The following FNTB variants were observed in gnomAD, a reference collection of about 807,000 sequenced individuals.
The protein encoded by FNTB is protein farnesyltransferase subunit beta.
FNTB carries 27 observed loss-of-function variants against 59.4 expected under a neutral mutation model. The ratio of observed to expected loss-of-function variants is 0.45; its 90% CI spans 0.34 to 0.63. The LOEUF is 0.63. FNTB is among the 20% of genes least tolerant of loss of function. The pLI is 0.02. For missense variants in FNTB, 449 were observed against 559.6 expected, an observed-to-expected ratio of 0.80 and a Z score of 1.99; for synonymous variants, 230 against 220.7, an observed-to-expected ratio of 1.04 and a Z score of -0.37.
At chr14:65,041,041 C>G in intron 8 of FNTB, 122 bp downstream of exon 8, 2 of 1,447,610 alleles carry the variant, frequency 1.4e-6, no homozygotes, top group Non-Finnish European at 1.9e-6. Context: ...AGCTCTGTTC[C>G]AACACAGAGG....
At chr14:65,046,842 G>A (rs1282061790) in intron 9 of FNTB, among the ~76,000 whole-genome samples, 15 of 103,476 alleles carry the variant, frequency 1.4e-4, no homozygotes, top group Non-Finnish European at 2.5e-4. Flanking sequence ...TGAAGTTACA[G>A]GTGATGTTTG....
In FNTB at chr14:65,021,020, G is replaced by A. The variant is rs531574122; in HGVS notation, c.374+5304G>A. Among the ~76,000 whole-genome samples, 306 of 152,268 alleles carry A rather than the reference G, an allele frequency of 2.0e-3. 1 individual carries two copies. Among genetic ancestry groups the A allele is most frequent in the Non-Finnish European group, 3.5e-3 (240 of 68,026 alleles). On this transcript the variant is annotated intron_variant, in intron 4 of 11. Coordinates refer to ENST00000246166, the MANE Select transcript of FNTB (RefSeq NM_002028.4). ...GTTGGGATTACAGATGTGAGCCACC[G>A]CACCCGGCCTAGCTTCCCTCTTTTA...
At chr14:65,037,744 A>ATTT (rs752876214) in intron 7 of FNTB, among the ~76,000 whole-genome samples, 2,305 of 58,954 alleles carry the variant, frequency 0.039, 48 homozygotes, top group South Asian at 0.053. Flanking sequence ...TTTATTTATT[A>ATTT]TTTATTTATT....
intron 1 of FNTB, among the ~76,000 whole-genome samples, chr14:65,000,117 A>T (rs1374103302): frequency 6.6e-6 from 1 of 152,196 alleles, no homozygotes; most frequent in African/African-American, 2.4e-5. Context: ...AGATGGGTTC[A>T]TGCATTAGCC....
chr14:65,010,082 T>C (rs909048632), intron 2 of FNTB, among the ~76,000 whole-genome samples: 3 of 152,220 alleles, frequency 2.0e-5, no homozygotes, highest in Non-Finnish European at 4.4e-5. Flanking sequence ...TGGAGGTCTC[T>C]AGCCCTTCTG....
intron 9 of FNTB, among the ~76,000 whole-genome samples, chr14:65,050,807 T>C (rs1451177454): frequency 6.6e-6 from 1 of 152,256 alleles, no homozygotes; most frequent in East Asian, 1.9e-4. Context: ...GCCTTAACAA[T>C]GTTTATTCCC....
At chr14:65,060,830 G>C (rs1174106927) in intron 11 of FNTB, among the ~76,000 whole-genome samples, 1 of 134,316 alleles carries the variant, frequency 7.4e-6, no homozygotes, top group East Asian at 2.2e-4. Flanking sequence ...CTAAGATCGT[G>C]TCAATGCACT....
chr14:65,033,495 GTCTTAGATACGTGTATGTTCTATA>G (rs2062126097), intron 7 of FNTB, among the ~76,000 whole-genome samples: 1 of 152,162 alleles, frequency 6.6e-6, no homozygotes, highest in Non-Finnish European at 1.5e-5. Context: ...TCTAAGCTAG[GTCTTAGATACGTGTATGTTCTATA>G]TTTTGTTTGC....
intron 4 of FNTB, among the ~76,000 whole-genome samples, chr14:65,026,723 G>A (rs1029260323): frequency 3.3e-5 from 5 of 152,180 alleles, no homozygotes; most frequent in Admixed American, 6.5e-5. Context: ...TTGGCTGGGC[G>A]TGATGGTGCA....
intron 3 of FNTB, among the ~76,000 whole-genome samples, chr14:65,013,780 T>C (rs552806634): frequency 3.9e-4 from 59 of 152,358 alleles, no homozygotes; most frequent in African/African-American, 1.4e-3. Context: ...GCTCCTGACC[T>C]CAAGTGATCC....
chr14:65,038,699 C>T (rs939983884), intron 7 of FNTB, among the ~76,000 whole-genome samples: 6 of 152,326 alleles, frequency 3.9e-5, no homozygotes, highest in African/African-American at 1.4e-4. Context: ...GCCTCGGCAT[C>T]AGAGCGAGAC....
Position 65,032,336 on chromosome 14 carries a change from G to A in FNTB, c.606-274G>A. ...ATCCACTTTTGACATGAATTGATAT[G>A]GCTGTTATTTCCTCTGATGTAGATT... On this transcript the variant is annotated intron_variant, in intron 6 of 11. Transcript: ENST00000246166. The surrounding 1 kb of genome is among the most constrained non-coding windows in gnomAD (Gnocchi z 5.0). 1 of 305,860 alleles carries A rather than the reference G, an allele frequency of 3.3e-6. No individual in the cohort carries two copies. The highest frequency in any genetic ancestry group is 6.0e-6 in the Non-Finnish European group (1 of 166,376). The allele number at this position is 305,860 out of a possible 1,614,324, so 18.9% of individuals were successfully genotyped here. A position where few individuals can be genotyped will look rare whatever the true frequency, so the allele number is the denominator to read the frequency against.
rs1219503164 is a variant in FNTB, at chr14:65,028,324, C to T, written c.605+543C>T. Among the ~76,000 whole-genome samples the T allele has an allele frequency of 2.6e-5, 4 of 152,174 alleles. No homozygotes were observed. The highest frequency in any genetic ancestry group is 9.7e-5 in the African/African-American group (4 of 41,434). On this transcript the variant is annotated intron_variant, in intron 6 of 11. Transcript: ENST00000246166. This position sits in a 1 kb window ranked among gnomAD's most constrained non-coding sequence, Gnocchi z 4.4. ...GTTAGCTCGAAATTATTATTTTCTT[C>T]CATAAGTGTCTGATGTACCAAGCAA...
rs1031621757 is a variant in FNTB, at chr14:65,061,404, A to G, written c.*92A>G. 1 of 1,545,680 alleles carries G rather than the reference A, an allele frequency of 6.5e-7. No homozygotes were observed. The highest frequency in any genetic ancestry group is 8.7e-7 in the Non-Finnish European group (1 of 1,144,874). On this transcript the variant is annotated 3_prime_UTR_variant, in exon 12 of 12. Coordinates refer to ENST00000246166, the MANE Select transcript of FNTB (RefSeq NM_002028.4). ...ATACATACTGCATTCTGTGCTACAC[A>G]AGCCTTAGCCTCAGTGGAGCTGTGG...
intron 9 of FNTB, among the ~76,000 whole-genome samples, chr14:65,052,141 A>G (rs1161897681): frequency 6.6e-6 from 1 of 152,172 alleles, no homozygotes; most frequent in African/African-American, 2.4e-5. Context: ...TTTTTAGCTC[A>G]GTTCTTTTTA....
chr14:65,039,152 C>T (rs1444866507), intron 7 of FNTB, among the ~76,000 whole-genome samples: 4 of 152,172 alleles, frequency 2.6e-5, no homozygotes, highest in Non-Finnish European at 4.4e-5. Context: ...CGAGAGTGGG[C>T]AGGATCAAGC....
Position 65,011,431 on chromosome 14 carries a change from GA to G in FNTB, c.210-865del, listed in dbSNP as rs767329195. Among the ~76,000 whole-genome samples, 2,201 of 80,064 alleles carry G rather than the reference GA, an allele frequency of 0.027. 53 individuals carry two copies. The highest frequency in any genetic ancestry group is 0.22 in the South Asian group (581 of 2,622). 52.5% of individuals were successfully genotyped at this position (80,064 alleles called of 152,430 possible). A position where few individuals can be genotyped will look rare whatever the true frequency, so the allele number is the denominator to read the frequency against. ...GTGACAGAGCGAGACTCCGTCTCAG[GA>G]AAAAAAAAAAAAAAAAAAAAGACTG... On this transcript the variant is annotated intron_variant, in intron 2 of 11. Transcript: ENST00000246166. This position sits in a 1 kb window ranked among gnomAD's most constrained non-coding sequence, Gnocchi z 4.0.
rs1220206079 is a variant in FNTB at position 65,012,184 on chromosome 14, G to A, written c.210-133G>A. On this transcript the variant is annotated intron_variant, in intron 2 of 11. Transcript: ENST00000246166. The surrounding 1 kb of genome is among the most constrained non-coding windows in gnomAD (Gnocchi z 5.0). ...GCTCTTTGGAACCAGAGAAGTTGCT[G>A]GTTATCCAGTCAGTGATTGCAGGGG... 7.5e-6 allele frequency: 8 copies of A among 1,065,990 alleles called. No individual in the cohort carries two copies. Among genetic ancestry groups the A allele is most frequent in the East Asian group, 2.6e-5 (1 of 38,792 alleles). The allele number at this position is 1,065,990 out of a possible 1,614,324, so 66.0% of individuals were successfully genotyped here.
At chr14:65,048,638 A>G (rs1304205003) in intron 9 of FNTB, among the ~76,000 whole-genome samples, 1 of 152,184 alleles carries the variant, frequency 6.6e-6, no homozygotes, top group Non-Finnish European at 1.5e-5. Flanking sequence ...GGACCTCTTG[A>G]GCTCAGGAGT....
Sources: allele counts gnomAD v4.1 joint callset (sites outside exome capture counted in the v4.1 genomes callset), GRCh38; gene constraint gnomAD v4.1.1; non-coding constraint Gnocchi (gnomAD v3.1); transcripts MANE v1.5; gene names NCBI Gene and HGNC (gene_info 2026-07-23, HGNC 2026-07-21).